The following SLC6A3 variants were observed in gnomAD, a reference collection of about 807,000 sequenced individuals.
SLC6A3 encodes sodium-dependent dopamine transporter.
SLC6A3 carries 19 observed loss-of-function variants against 70.4 expected under a neutral mutation model. The observed-to-expected ratio is 0.27, with a 90% CI of 0.19 to 0.40. SLC6A3 has a LOEUF of 0.40. Ranked by LOEUF, SLC6A3 falls within the 10% of genes least tolerant of loss-of-function variation. SLC6A3 has a pLI of 1.00. For missense variants in SLC6A3, 613 were observed against 838.5 expected, an observed-to-expected ratio of 0.73 and a Z score of 3.32; for synonymous variants, 368 against 356.6, an observed-to-expected ratio of 1.03 and a Z score of -0.36.
chr5:1,412,546 G>A (rs1756154634), intron 8 of SLC6A3, among the ~76,000 whole-genome samples: 1 of 152,226 alleles, frequency 6.6e-6, no homozygotes, highest in African/African-American at 2.4e-5. Flanking sequence ...GAGGTGGAGG[G>A]GACGAGAGTG....
rs775880023 is a variant in SLC6A3 at position 1,404,484 on chromosome 5, A to G, written c.1600-1395T>C. Among the ~76,000 whole-genome samples, 1 of 152,208 alleles carries G rather than the reference A, an allele frequency of 6.6e-6. No homozygotes were observed. Among genetic ancestry groups the G allele is most frequent in the East Asian group, 1.9e-4 (1 of 5,198 alleles). On this transcript the variant is annotated intron_variant, in intron 12 of 14. Coordinates refer to ENST00000270349, the MANE Select transcript of SLC6A3 (RefSeq NM_001044.5). The surrounding 1 kb of genome is among the most constrained non-coding windows in gnomAD (Gnocchi z 5.2). ...GATACCACCTTTCTTAGAAAGAACT[A>G]TGCCTCCCCAGGCCACAGTCTGCCC...
rs960912334 is a variant in SLC6A3 at position 1,436,620 on chromosome 5, A to G, written c.419-3922T>C. On this transcript the variant is annotated intron_variant, in intron 3 of 14. Coordinates refer to ENST00000270349, the MANE Select transcript of SLC6A3 (RefSeq NM_001044.5). This position sits in a 1 kb window ranked among gnomAD's most constrained non-coding sequence, Gnocchi z 5.2. The stretch of plus-strand genomic sequence containing the variant: ...TGTGTAGTTTGTTTTGTGTTTGAGA[A>G]ATCACACTAAAATATGACTGACTAT... Among the ~76,000 whole-genome samples, 1 of 152,188 alleles carries G rather than the reference A, an allele frequency of 6.6e-6. No individual in the cohort carries two copies. The highest frequency in any genetic ancestry group is 1.5e-5 in the Non-Finnish European group (1 of 68,028).
intron 3 of SLC6A3, among the ~76,000 whole-genome samples, chr5:1,435,443 G>A (rs1430855830): frequency 6.6e-6 from 1 of 152,226 alleles, no homozygotes; most frequent in Non-Finnish European, 1.5e-5. Context: ...AGAGTCCGAA[G>A]GAAGGGCTGA....
rs1446219973 is a variant in SLC6A3, at chr5:1,397,079, G to A, written c.1840-2321C>T. On this transcript the variant is annotated intron_variant, in intron 14 of 14. Coordinates refer to ENST00000270349, the MANE Select transcript of SLC6A3 (RefSeq NM_001044.5). The surrounding 1 kb of genome is among the most constrained non-coding windows in gnomAD (Gnocchi z 4.7). The stretch of plus-strand genomic sequence containing the variant: ...ATGCGTTACTCAACTGTGCACCTAA[G>A]ATTCAAATGAAAACAAAATCTAAGT... 6.6e-6 allele frequency among the ~76,000 whole-genome samples: 1 copy of A among 152,148 alleles called. No individual in the cohort carries two copies. Among genetic ancestry groups the A allele is most frequent in the Admixed American group, 6.5e-5 (1 of 15,270 alleles).
chr5:1,419,153 CATCA>C (rs1756377399), intron 6 of SLC6A3, among the ~76,000 whole-genome samples: 1 of 151,538 alleles, frequency 6.6e-6, no homozygotes, highest in Admixed American at 6.6e-5. Flanking sequence ...TCCATCCATC[CATCA>C]TCCATCCATC....
At chr5:1,427,600 G>A (rs1258623900) in intron 4 of SLC6A3, among the ~76,000 whole-genome samples, 1 of 152,188 alleles carries the variant, frequency 6.6e-6, no homozygotes, top group African/African-American at 2.4e-5. Flanking sequence ...CAACTCGATG[G>A]TGTCTACAAT....
Position 1,394,731 on chromosome 5 carries a change from C to T in SLC6A3, c.*4G>A. ...ACTTCCTGGGGTCTTCGTCTCTGCT[C>T]CCTCTACACCTTGAGCCAGTGGCGG... On this transcript the variant is annotated 3_prime_UTR_variant, in exon 15 of 15. Coordinates refer to ENST00000270349, the MANE Select transcript of SLC6A3 (RefSeq NM_001044.5). This position sits in a 1 kb window ranked among gnomAD's most constrained non-coding sequence, Gnocchi z 4.7. 1 of 1,613,844 alleles carries T rather than the reference C, an allele frequency of 6.2e-7. No homozygotes were observed. The highest frequency in any genetic ancestry group is 8.5e-7 in the Non-Finnish European group (1 of 1,179,862).
intron 6 of SLC6A3, among the ~76,000 whole-genome samples, chr5:1,419,422 C>T (rs1156548691): frequency 6.6e-6 from 1 of 152,242 alleles, no homozygotes; most frequent in East Asian, 1.9e-4. Context: ...GTAATTTGTT[C>T]TCCAGTGAGC....
intron 1 of SLC6A3, among the ~76,000 whole-genome samples, chr5:1,444,785 A>C (rs1293056487): frequency 6.6e-6 from 1 of 152,170 alleles, no homozygotes; most frequent in Non-Finnish European, 1.5e-5. Context: ...CTACACAGCA[A>C]AATGTGGCCC....
rs73031821 is a variant in SLC6A3 at position 1,441,546 on chromosome 5, C to T, written c.287-56G>A. ...GGCCTCGGAAGGGCCCATCTCTCCTCGTGGGAGCTTGGGCGGCTACCCCAG... is the reference window on the plus strand; with the variant it reads ...GGCCTCGGAAGGGCCCATCTCTCCTTGTGGGAGCTTGGGCGGCTACCCCAG... On this transcript the variant is annotated intron_variant, in intron 2 of 14. Coordinates refer to ENST00000270349, the MANE Select transcript of SLC6A3 (RefSeq NM_001044.5). 569 of 1,595,348 alleles carry T rather than the reference C, an allele frequency of 3.6e-4. 3 individuals carry two copies. In the African/African-American group the frequency reaches 6.4e-3, roughly 18 times the overall value.
At position 1,421,990 on chromosome 5, in the gene SLC6A3, C is replaced by G; in HGVS notation, c.678G>C (p.Gln226His). ...GCCCCAGGTCGTCGATGCCATGGCTCTGGTGGAGGTGCAGCACGCCACGTC... is the reference window on the plus strand; with the variant it reads ...GCCCCAGGTCGTCGATGCCATGGCTGTGGTGGAGGTGCAGCACGCCACGTC... ...YFERGVLHLH[Q>H]SHGIDDLGPP... The change falls in exon 5 of 15, where the codon CAG (glutamine) becomes CAC (histidine). Residue 226 changes from glutamine to histidine, a missense_variant. By Grantham distance (24) the Gln-to-His change is conservative (BLOSUM62 0). Around this residue, in one of 4 missense-constraint regions of SLC6A3, gnomAD observed 153 missense variants for 249.4 expected, o/e 0.61. Transcript: ENST00000270349. This position sits in a 1 kb window ranked among gnomAD's most constrained non-coding sequence, Gnocchi z 7.2. 2 of 1,612,682 alleles carry G rather than the reference C, an allele frequency of 1.2e-6. No individual in the cohort carries two copies. The highest frequency in any genetic ancestry group is 2.7e-5 in the African/African-American group (2 of 75,062).
rs989050389 is a variant in SLC6A3 at position 1,394,462 on chromosome 5, G to A, written c.*273C>T. ...TCACACAGACAGCATGAAGTTAGACGTTTTTCTGCCCTGCAGGGACAACAA... is the reference window on the plus strand; with the variant it reads ...TCACACAGACAGCATGAAGTTAGACATTTTTCTGCCCTGCAGGGACAACAA... On this transcript the variant is annotated 3_prime_UTR_variant, in exon 15 of 15. Coordinates refer to ENST00000270349, the MANE Select transcript of SLC6A3 (RefSeq NM_001044.5). The surrounding 1 kb of genome is among the most constrained non-coding windows in gnomAD (Gnocchi z 4.7). 23 of 581,854 alleles carry A rather than the reference G, an allele frequency of 4.0e-5. No individual in the cohort carries two copies. Among genetic ancestry groups the A allele is most frequent in the African/African-American group, 1.9e-4 (10 of 53,422 alleles). The allele number at this position is 581,854 out of a possible 1,614,324, so 36.0% of individuals were successfully genotyped here. A position where few individuals can be genotyped will look rare whatever the true frequency, so the allele number is the denominator to read the frequency against.
At position 1,421,867 on chromosome 5, in the gene SLC6A3, G is replaced by A. The variant is rs369942690; in HGVS notation, c.792+9C>T. 15 of 1,612,992 alleles carry A rather than the reference G, an allele frequency of 9.3e-6. No homozygotes were observed. The East Asian group carries it at 2.2e-4, about 24-fold the overall frequency. The stretch of plus-strand genomic sequence containing the variant: ...TCTACAGGCCCAATTGGTGACCCCC[G>A]AGCCTCACCTTCCCTGAGGTCTTCA... On this transcript the variant is annotated intron_variant, in intron 5 of 14. Coordinates refer to ENST00000270349, the MANE Select transcript of SLC6A3 (RefSeq NM_001044.5). This position sits in a 1 kb window ranked among gnomAD's most constrained non-coding sequence, Gnocchi z 7.2.
At chr5:1,432,819 G>C (rs933645309) in intron 3 of SLC6A3, 121 bp from the exon 4 acceptor site, 40 of 729,610 alleles carry the variant, frequency 5.5e-5, no homozygotes, top group Non-Finnish European at 9.3e-5. Flanking sequence ...CTCCTGGACA[G>C]CCCTGATGCC....
intron 4 of SLC6A3, among the ~76,000 whole-genome samples, chr5:1,422,332 A>C: frequency 6.6e-6 from 1 of 150,412 alleles, no homozygotes; most frequent in Non-Finnish European, 1.5e-5. Context: ...CACAGAAACC[A>C]AAAGGAAGTT....
In SLC6A3 at chr5:1,441,285, C is replaced by T. The variant is rs878885428; in HGVS notation, c.418+74G>A. ...GGCTGGATGCCCATGATGCGGCTGG[C>T]TTGCTTTGAAAGCTCCAGCGTCACC... On this transcript the variant is annotated intron_variant, in intron 3 of 14. Coordinates refer to ENST00000270349, the MANE Select transcript of SLC6A3 (RefSeq NM_001044.5). 1.3e-5 allele frequency: 20 copies of T among 1,593,072 alleles called. No individual in the cohort carries two copies. The South Asian group carries it at 2.2e-4, about 18-fold the overall frequency.
chr5:1,397,245 G>A lies in SLC6A3; in HGVS notation c.1840-2487C>T, dbSNP rs1755741768. Reference sequence around the variant, plus strand: ...ACAAGATTTGTGAATCCACAGATCTGGCCACAAAACATATCCAGAGAGGAA... The same window carrying A: ...ACAAGATTTGTGAATCCACAGATCTAGCCACAAAACATATCCAGAGAGGAA... On this transcript the variant is annotated intron_variant, in intron 14 of 14. Coordinates refer to ENST00000270349, the MANE Select transcript of SLC6A3 (RefSeq NM_001044.5). The surrounding 1 kb of genome is among the most constrained non-coding windows in gnomAD (Gnocchi z 4.7). Among the ~76,000 whole-genome samples, 2 of 152,238 alleles carry A rather than the reference G, an allele frequency of 1.3e-5. No individual in the cohort carries two copies. The highest frequency in any genetic ancestry group is 4.8e-5 in the African/African-American group (2 of 41,552).
rs766670125 is a variant in SLC6A3, at chr5:1,394,756, G to C, written c.1842C>G (p.Leu614=). 6.2e-7 allele frequency: 1 copy of C among 1,614,162 alleles called. No individual in the cohort carries two copies. The highest frequency in any genetic ancestry group is 1.1e-5 in the South Asian group (1 of 91,090). ...VDRGEVRQFT[L]RHWLKV is the part of the protein sequence containing the mutation. ...CCCTCTACACCTTGAGCCAGTGGCG[G>C]AGCTGGAAAGAAAACAGGTTTAGTC... Residue 614 remains leucine, a splice_region_variant and synonymous_variant, in exon 15 of 15, where the codon CTC becomes CTG. Transcript: ENST00000270349. The surrounding 1 kb of genome is among the most constrained non-coding windows in gnomAD (Gnocchi z 4.7).
At chr5:1,439,035 A>G (rs1012024709) in intron 3 of SLC6A3, among the ~76,000 whole-genome samples, 2 of 152,202 alleles carry the variant, frequency 1.3e-5, no homozygotes, top group Admixed American at 6.5e-5. Flanking sequence ...GGCCAGGGCC[A>G]GGCAGGACAC....
Sources: gnomAD v4.1 joint callset for allele counts (sites outside exome capture counted in the v4.1 genomes callset) on GRCh38, gnomAD v4.1.1 for gene constraint, gnomAD v4.1.1 regional missense constraint, Gnocchi (gnomAD v3.1) non-coding constraint, MANE v1.5 for transcripts, NCBI Gene and HGNC (gene_info 2026-07-23, HGNC 2026-07-21) for gene names.